BCKDHB: variants seen among roughly 807,000 people sequenced by gnomAD.
BCKDHB encodes the protein branched chain keto acid dehydrogenase E1 subunit beta.
A neutral mutation model predicts 48.5 loss-of-function variants in BCKDHB; 41 were observed. That is an observed-to-expected ratio of 0.85 (90% confidence interval 0.66 to 1.10). The LOEUF is 1.10. BCKDHB is among the 50% of genes least tolerant of loss of function. BCKDHB has a pLI of 0.00. For synonymous variants in BCKDHB, 201 were observed against 174.8 expected (o/e 1.15, Z -1.18); for missense variants, 496 against 494.2 (o/e 1.00, Z -0.03).
intron 1 of BCKDHB, among the ~76,000 whole-genome samples, chr6:80,121,582 C>CTAGGTATTTTA (rs1367227594): frequency 6.6e-6 from 1 of 152,088 alleles, no homozygotes; most frequent in Non-Finnish European, 1.5e-5. Flanking sequence ...CTTCACATTC[C>CTAGGTATTTTA]TTGTAAATTG....
intron 8 of BCKDHB, among the ~76,000 whole-genome samples, chr6:80,246,840 C>G (rs1776638691): frequency 6.6e-6 from 1 of 152,120 alleles, no homozygotes. Context: ...TACACACTTG[C>G]ACACACACAT....
chr6:80,196,713 T>G (rs1045780484), intron 6 of BCKDHB, among the ~76,000 whole-genome samples: 2 of 152,054 alleles, frequency 1.3e-5, no homozygotes, highest in African/African-American at 4.8e-5. Flanking sequence ...TATAGCAAAT[T>G]AGAAGAAAAC....
chr6:80,313,416 A>C (rs1490869194), intron 9 of BCKDHB, among the ~76,000 whole-genome samples: 1 of 152,104 alleles, frequency 6.6e-6, no homozygotes, highest in African/African-American at 2.4e-5. Flanking sequence ...GCTGGAGTGC[A>C]GTGGCGCGAT....
the BCKDHB span, among the ~76,000 whole-genome samples, chr6:80,378,497 G>A: frequency 6.6e-6 from 1 of 151,992 alleles, no homozygotes; most frequent in Non-Finnish European, 1.5e-5. Flanking sequence ...AAACGTGGTA[G>A]GTATGTGTAT....
the BCKDHB span, among the ~76,000 whole-genome samples, chr6:80,364,882 A>G: frequency 1.3e-5 from 2 of 152,190 alleles, no homozygotes; most frequent in Admixed American, 1.3e-4. Flanking sequence ...AGTGTTGGCC[A>G]GCTGAGAAAT....
chr6:80,462,670 A>T, the BCKDHB span, among the ~76,000 whole-genome samples: 1 of 152,180 alleles, frequency 6.6e-6, no homozygotes, highest in Non-Finnish European at 1.5e-5. Context: ...TATGGCCCCC[A>T]TAATCTCTGA....
intron 1 of BCKDHB, among the ~76,000 whole-genome samples, chr6:80,114,345 C>T (rs1204231065): frequency 6.6e-6 from 1 of 151,590 alleles, no homozygotes; most frequent in African/African-American, 2.4e-5. Flanking sequence ...ACTTCCCAGG[C>T]TCAGGTGATC....
the BCKDHB span, among the ~76,000 whole-genome samples, chr6:80,461,279 C>T: frequency 1.3e-5 from 2 of 152,030 alleles, no homozygotes; most frequent in African/African-American, 4.8e-5. Flanking sequence ...TTGCCTCATT[C>T]AAAAACCATT....
At chr6:80,382,224 G>A in the BCKDHB span, among the ~76,000 whole-genome samples, 1 of 152,054 alleles carries the variant, frequency 6.6e-6, no homozygotes, top group Non-Finnish European at 1.5e-5. Flanking sequence ...CCTAGTATGA[G>A]TTTGTAATAC....
At position 80,107,656 on chromosome 6, in the gene BCKDHB, C is replaced by A. The variant is rs145146139; in HGVS notation, c.196+767C>A. 1.7e-3 allele frequency among the ~76,000 whole-genome samples: 259 copies of A among 151,306 alleles called. 2 individuals carry two copies. The highest frequency in any genetic ancestry group is 6.1e-3 in the African/African-American group (249 of 41,078). On this transcript the variant is annotated intron_variant, in intron 1 of 9. Transcript: ENST00000320393. ...ATTTTCCCAAGGTCACAGAACAGGT[C>A]CTTCCTAGAGATGTGAAAGAATTCA...
At chr6:80,228,269 G>A (rs1032003284) in intron 8 of BCKDHB, among the ~76,000 whole-genome samples, 3 of 152,140 alleles carry the variant, frequency 2.0e-5, no homozygotes, top group African/African-American at 7.2e-5. Flanking sequence ...CTTAGAAAAT[G>A]CATGGATAAA....
intron 3 of BCKDHB, among the ~76,000 whole-genome samples, chr6:80,134,546 C>G (rs1485552685): frequency 1.3e-5 from 2 of 151,988 alleles, no homozygotes; most frequent in African/African-American, 2.4e-5. Context: ...TGGGATTCTT[C>G]CAGAGCATAC....
chr6:80,195,722 G>T (rs1774101063), intron 6 of BCKDHB, among the ~76,000 whole-genome samples: 1 of 152,076 alleles, frequency 6.6e-6, no homozygotes, highest in Admixed American at 6.6e-5. Flanking sequence ...ACAATATTTT[G>T]TCAGAGATGA....
At chr6:80,396,331 A>G in the BCKDHB span, among the ~76,000 whole-genome samples, 3 of 152,224 alleles carry the variant, frequency 2.0e-5, no homozygotes. Context: ...TATTTACCCA[A>G]TACCTCTATC....
intron 9 of BCKDHB, among the ~76,000 whole-genome samples, chr6:80,288,510 G>A (rs1338204554): frequency 6.6e-6 from 1 of 151,972 alleles, no homozygotes; most frequent in Non-Finnish European, 1.5e-5. Flanking sequence ...ATAGAAAACA[G>A]GGATTTAGAA....
At chr6:80,202,509 A>T (rs1774443415) in intron 7 of BCKDHB, among the ~76,000 whole-genome samples, 3 of 152,058 alleles carry the variant, frequency 2.0e-5, no homozygotes, top group Non-Finnish European at 4.4e-5. Context: ...TATTCCCACT[A>T]ATTTACTGTT....
chr6:80,342,629 AAAG>A (rs1399562684), intron 9 of BCKDHB, among the ~76,000 whole-genome samples: 1 of 151,216 alleles, frequency 6.6e-6, no homozygotes, highest in African/African-American at 2.4e-5. Context: ...AAAAAAACGA[AAAG>A]AAAAGGAACA....
At chr6:80,417,765 A>T in the BCKDHB span, among the ~76,000 whole-genome samples, 1 of 151,760 alleles carries the variant, frequency 6.6e-6, no homozygotes, top group Non-Finnish European at 1.5e-5. Context: ...TGCCTTTAAC[A>T]TTTTTTTCTT....
the BCKDHB span, among the ~76,000 whole-genome samples, chr6:80,352,409 G>C: frequency 6.4e-3 from 975 of 152,244 alleles, 12 homozygotes; most frequent in African/African-American, 0.022. Flanking sequence ...CCAGGTCCCT[G>C]CCTCTAGAGA....
Sources: gnomAD v4.1 joint callset for allele counts (sites outside exome capture counted in the v4.1 genomes callset) on GRCh38, gnomAD v4.1.1 for gene constraint, MANE v1.5 for transcripts, NCBI Gene and HGNC (gene_info 2026-07-23, HGNC 2026-07-21) for gene names.